FGD4: variants seen among roughly 807,000 people sequenced by gnomAD.
FGD4 encodes the protein FYVE, RhoGEF and PH domain-containing protein 4.
Under a neutral mutation model 102.0 loss-of-function variants are expected in FGD4, and 42 were observed. The observed-to-expected ratio is 0.41, with a 90% CI of 0.32 to 0.53. The LOEUF is 0.53. FGD4 is among the 20% of genes least tolerant of loss of function. FGD4 has a pLI of 0.21. For synonymous variants in FGD4, 380 were observed against 375.7 expected (o/e 1.01, Z -0.13); for missense variants, 902 against 1,078.2 (o/e 0.84, Z 2.29).
At chr12:32,415,282 A>C (rs1203626149) in intron 1 of FGD4, among the ~76,000 whole-genome samples, 1 of 152,036 alleles carries the variant, frequency 6.6e-6, no homozygotes, top group African/African-American at 2.4e-5. Context: ...ATAAATACTT[A>C]TTAGGTTCAT....
At chr12:32,473,205 T>G (rs1943470108) in intron 1 of FGD4, among the ~76,000 whole-genome samples, 2 of 152,036 alleles carry the variant, frequency 1.3e-5, no homozygotes, top group South Asian at 4.2e-4. Flanking sequence ...TGGGGCCAGA[T>G]AAGAGAATAA....
At chr12:32,638,235 G>T (rs1318876683) in intron 15 of FGD4, among the ~76,000 whole-genome samples, 1 of 152,190 alleles carries the variant, frequency 6.6e-6, no homozygotes, top group African/African-American at 2.4e-5. Context: ...TACTTGAGAG[G>T]CTGAGGCAGA....
At chr12:32,634,068 A>G (rs984212707) in intron 15 of FGD4, among the ~76,000 whole-genome samples, 3 of 152,204 alleles carry the variant, frequency 2.0e-5, no homozygotes, top group African/African-American at 4.8e-5. Flanking sequence ...GTGTTTAACA[A>G]TTTGTATAAT....
chr12:32,453,211 TATATATATAATATAGATATATATA>T (rs1565748986), intron 1 of FGD4, among the ~76,000 whole-genome samples: 5 of 66,918 alleles, frequency 7.5e-5, no homozygotes, highest in African/African-American at 2.1e-4. Flanking sequence ...TATATATATA[TATATATATAATATAGATATATATA>T]TATTTTTTTT....
rs563105572 is a variant in FGD4, at chr12:32,492,303, C to T, written c.167-71834C>T. Among the ~76,000 whole-genome samples, 393 of 150,108 alleles carry T rather than the reference C, an allele frequency of 2.6e-3. 5 individuals are homozygous for T. Among genetic ancestry groups the T allele is most frequent in the Admixed American group, 5.6e-3 (83 of 14,866 alleles). Reference sequence around the variant, plus strand: ...GTGGCTTAATTACACATCAAAGTCCCCTTTTAACCCCAACTACCTGGCATG... The same window carrying T: ...GTGGCTTAATTACACATCAAAGTCCTCTTTTAACCCCAACTACCTGGCATG... On this transcript the variant is annotated intron_variant, in intron 1 of 16. Transcript: ENST00000534526.
chr12:32,575,338 G>A (rs1946041009), intron 2 of FGD4, among the ~76,000 whole-genome samples: 1 of 152,136 alleles, frequency 6.6e-6, no homozygotes, highest in Admixed American at 6.5e-5. Context: ...TCCATTCATG[G>A]CAGAAGATAA....
At chr12:32,578,606 G>C (rs1346863380) in intron 3 of FGD4, among the ~76,000 whole-genome samples, 1 of 152,094 alleles carries the variant, frequency 6.6e-6, no homozygotes, top group Non-Finnish European at 1.5e-5. Flanking sequence ...ACATTGGTTG[G>C]ATTGTCTGAG....
chr12:32,568,117 A>C (rs549410074), intron 2 of FGD4, among the ~76,000 whole-genome samples: 2 of 152,336 alleles, frequency 1.3e-5, no homozygotes, highest in Non-Finnish European at 2.9e-5. Context: ...AATATTTTTG[A>C]AGAATTATTT....
intron 4 of FGD4, among the ~76,000 whole-genome samples, chr12:32,591,538 C>T (rs1035253358): frequency 6.6e-6 from 1 of 152,136 alleles, no homozygotes; most frequent in Non-Finnish European, 1.5e-5. Flanking sequence ...AGATCTGCTC[C>T]CCGACTTGGT....
At chr12:32,493,904 C>T (rs1231740019) in intron 1 of FGD4, among the ~76,000 whole-genome samples, 8 of 152,178 alleles carry the variant, frequency 5.3e-5, no homozygotes, top group Admixed American at 5.2e-4. Flanking sequence ...AGGAAACACT[C>T]ACCTGAGGAA....
intron 5 of FGD4, among the ~76,000 whole-genome samples, chr12:32,599,261 G>A (rs150684193): frequency 0.02 from 2,996 of 150,982 alleles, 110 homozygotes; most frequent in East Asian, 0.15. Flanking sequence ...TTGGGAGGCC[G>A]AGGCGGGCGG....
intron 1 of FGD4, among the ~76,000 whole-genome samples, chr12:32,479,138 G>C (rs898837497): frequency 6.6e-6 from 1 of 152,154 alleles, no homozygotes; most frequent in African/African-American, 2.4e-5. Flanking sequence ...TGGCTCCTTG[G>C]TCTTCAGTCT....
At chr12:32,632,701 A>AT (rs1241301638) in intron 14 of FGD4, among the ~76,000 whole-genome samples, 2 of 121,852 alleles carry the variant, frequency 1.6e-5, no homozygotes, top group African/African-American at 3.6e-5. Context: ...TTATTTATTT[A>AT]TTTATTTATT....
At chr12:32,573,443 T>A (rs1418772479) in intron 2 of FGD4, among the ~76,000 whole-genome samples, 1 of 152,228 alleles carries the variant, frequency 6.6e-6, no homozygotes, top group African/African-American at 2.4e-5. Context: ...ACAAGATTTC[T>A]TTTTCTTTTA....
At chr12:32,561,063 T>A (rs924493165) in intron 1 of FGD4, among the ~76,000 whole-genome samples, 3 of 142,312 alleles carry the variant, frequency 2.1e-5, no homozygotes, top group Non-Finnish European at 4.6e-5. Context: ...TGTGGTTTCT[T>A]TGTTGGGTTT....
chr12:32,432,509 A>G (rs1158192159), intron 1 of FGD4, among the ~76,000 whole-genome samples: 1 of 151,508 alleles, frequency 6.6e-6, no homozygotes, highest in Non-Finnish European at 1.5e-5. Flanking sequence ...CCAGCTACTC[A>G]GGAGGCTGAG....
chr12:32,599,767 C>CT (rs1277675489), intron 5 of FGD4, among the ~76,000 whole-genome samples: 1 of 151,602 alleles, frequency 6.6e-6, no homozygotes, highest in Non-Finnish European at 1.5e-5. Context: ...CCAGGCTGGT[C>CT]TTAAAGTCCT....
Position 32,610,927 on chromosome 12 carries a change from G to T in FGD4, c.1602+93G>T. 5 of 1,392,240 alleles carry T rather than the reference G, an allele frequency of 3.6e-6. No homozygotes were observed. In the South Asian group the frequency reaches 4.8e-5, roughly 13 times the overall value. 86.2% of individuals were successfully genotyped at this position (1,392,240 alleles called of 1,614,324 possible). Reference sequence around the variant, plus strand: ...ATGTAGATTTGGACCAAAGTGAATTGAAATAGATGAGCCAAAAAGAATGTT... The same window carrying T: ...ATGTAGATTTGGACCAAAGTGAATTTAAATAGATGAGCCAAAAAGAATGTT... On this transcript the variant is annotated intron_variant, in intron 9 of 16. Transcript: ENST00000534526.
chr12:32,430,542 A>G (rs1591885364), intron 1 of FGD4, among the ~76,000 whole-genome samples: 1 of 152,160 alleles, frequency 6.6e-6, no homozygotes, highest in African/African-American at 2.4e-5. Context: ...TATGAATTTT[A>G]TATGTTCTGC....
Sources: gnomAD v4.1 joint callset for allele counts (sites outside exome capture counted in the v4.1 genomes callset) on GRCh38, gnomAD v4.1.1 for gene constraint, MANE v1.5 for transcripts, NCBI Gene and HGNC (gene_info 2026-07-23, HGNC 2026-07-21) for gene names.